Variants in USP40 observed in about 807,000 individuals in gnomAD.
The protein encoded by USP40 is ubiquitin carboxyl-terminal hydrolase 40.
A neutral mutation model predicts 166.2 loss-of-function variants in USP40; 143 were observed. The ratio of observed to expected loss-of-function variants is 0.86; its 90% CI spans 0.75 to 0.99. The LOEUF is 0.99. USP40 is among the 50% of genes least tolerant of loss of function. The probability of loss-of-function intolerance (pLI) is 0.00; values close to 1 mark genes in which losing one functional copy is unlikely to be tolerated. For synonymous variants in USP40, 498 were observed against 524.0 expected, an observed-to-expected ratio of 0.95 and a Z score of 0.68; for missense variants, 1,444 against 1,479.7, an observed-to-expected ratio of 0.98 and a Z score of 0.40.
chr2:233,555,308 T>C (rs2070966936), intron 5 of USP40, among the ~76,000 whole-genome samples: 1 of 152,306 alleles, frequency 6.6e-6, no homozygotes, highest in Middle Eastern at 3.4e-3. Flanking sequence ...AATCACAATA[T>C]TTCTAGTAAT....
At chr2:233,499,982 CT>C in intron 21 of USP40, 67 bp from the exon 22 acceptor site, 2 of 1,386,810 alleles carry the variant, frequency 1.4e-6, no homozygotes, top group South Asian at 1.2e-5. Context: ...GACAAACACC[CT>C]TTTTGGACCC....
chr2:233,501,759 T>C (rs537624664), intron 21 of USP40, among the ~76,000 whole-genome samples: 62 of 152,300 alleles, frequency 4.1e-4, no homozygotes, highest in Non-Finnish European at 8.4e-4. Flanking sequence ...GAGAAAAATA[T>C]GAGCGGGTTA....
chr2:233,548,544 T>C (rs1351846932), intron 8 of USP40, among the ~76,000 whole-genome samples: 1 of 152,142 alleles, frequency 6.6e-6, no homozygotes, highest in African/African-American at 2.4e-5. Context: ...GAGAGTTAGC[T>C]AACTAAATAC....
At chr2:233,494,930 A>T (rs1408232595) in intron 24 of USP40, among the ~76,000 whole-genome samples, 26 of 37,618 alleles carry the variant, frequency 6.9e-4, no homozygotes, top group African/African-American at 4.2e-3. Flanking sequence ...ATATATATAT[A>T]TATATATATA....
Position 233,488,222 on chromosome 2 carries a change from A to G in USP40, c.3197+17T>C, listed in dbSNP as rs2065072285. 1 of 1,595,134 alleles carries G rather than the reference A, an allele frequency of 6.3e-7. No individual in the cohort carries two copies. Among genetic ancestry groups the G allele is most frequent in the African/African-American group, 1.3e-5 (1 of 74,832 alleles). On this transcript the variant is annotated intron_variant, in intron 28 of 31. Coordinates refer to ENST00000678225, the MANE Select transcript of USP40 (RefSeq NM_001365479.2). The stretch of plus-strand genomic sequence containing the variant: ...GATACGTGTGTGTCACTTCAGATGC[A>G]CAGGAGAATTTCTTACCCCAAGTTT...
At chr2:233,534,454 C>T (rs923783666) in intron 10 of USP40, among the ~76,000 whole-genome samples, 5 of 152,126 alleles carry the variant, frequency 3.3e-5, no homozygotes, top group African/African-American at 1.2e-4. Flanking sequence ...TTTCTCTCAG[C>T]CTAATTTACT....
chr2:233,484,095 T>C (rs1468257800), intron 30 of USP40, among the ~76,000 whole-genome samples: 1 of 152,128 alleles, frequency 6.6e-6, no homozygotes, highest in Non-Finnish European at 1.5e-5. Flanking sequence ...CTTTTTCTTC[T>C]CGCAGTGAGC....
rs1181305481 is a variant in USP40 at position 233,566,701 on chromosome 2, C to G, written c.-37G>C. On this transcript the variant is annotated 5_prime_UTR_variant, in exon 1 of 32. Coordinates refer to ENST00000678225, the MANE Select transcript of USP40 (RefSeq NM_001365479.2). ...GCACTTACTGCCTAAAGCCCAGACC[C>G]CCGCCCTGGCCAAAACGCGAAGCGA... The G allele has an allele frequency of 1.0e-6, 1 of 985,950 alleles. No individual in the cohort carries two copies. The highest frequency in any genetic ancestry group is 1.2e-6 in the Non-Finnish European group (1 of 830,078). 61.1% of individuals were successfully genotyped at this position (985,950 alleles called of 1,614,324 possible). A position where few individuals can be genotyped will look rare whatever the true frequency, so the allele number is the denominator to read the frequency against.
At chr2:233,561,248 C>T (rs531888426) in intron 3 of USP40, 9 of 1,517,962 alleles carry the variant, frequency 5.9e-6, no homozygotes, top group East Asian at 5.0e-5. Context: ...AAAAAAGAGC[C>T]CGCATCGCCA....
intron 5 of USP40, among the ~76,000 whole-genome samples, chr2:233,556,265 A>G (rs2071085842): frequency 6.7e-6 from 1 of 148,638 alleles, no homozygotes; most frequent in Non-Finnish European, 1.5e-5. Context: ...AAACAGGATT[A>G]CATTTACATG....
chr2:233,479,364 ACCATCCTGG>A (rs1024267063), intron 31 of USP40, among the ~76,000 whole-genome samples: 9 of 152,274 alleles, frequency 5.9e-5, no homozygotes, highest in African/African-American at 1.9e-4. Context: ...AGAGATTGAG[ACCATCCTGG>A]CCAACATGGT....
chr2:233,539,456 A>G (rs1205134817), intron 10 of USP40, among the ~76,000 whole-genome samples: 1 of 152,168 alleles, frequency 6.6e-6, no homozygotes, highest in African/African-American at 2.4e-5. Flanking sequence ...ATTTACTGAC[A>G]TAACAAAAAG....
At chr2:233,525,420 A>G (rs1393555469) in intron 14 of USP40, 58 bp downstream of exon 14, 12 of 1,338,396 alleles carry the variant, frequency 9.0e-6, no homozygotes, top group Non-Finnish European at 1.2e-5. Flanking sequence ...ATCGCAGGTG[A>G]GCCGGACAAA....
At chr2:233,555,051 G>C (rs531564363) in intron 5 of USP40, among the ~76,000 whole-genome samples, 1 of 152,168 alleles carries the variant, frequency 6.6e-6, no homozygotes, top group South Asian at 2.1e-4. Context: ...AAATTAGCTG[G>C]GTGTGGTGGT....
At chr2:233,520,883 G>T in intron 17 of USP40, 108 bp downstream of exon 17, 1 of 1,227,846 alleles carries the variant, frequency 8.1e-7, no homozygotes, top group Non-Finnish European at 1.1e-6. Context: ...CTTCCTAAGA[G>T]CTGAAGTCTA....
chr2:233,509,384 G>A (rs1470360264), intron 21 of USP40, among the ~76,000 whole-genome samples: 1 of 151,940 alleles, frequency 6.6e-6, no homozygotes, highest in African/African-American at 2.4e-5. Flanking sequence ...CACTGTGTGT[G>A]TATATAAATA....
chr2:233,493,475 G>C lies in USP40; in HGVS notation c.2867C>G (p.Thr956Ser). ...TCTGCCCCAAGACGAAGTACAGTTG[G>C]TCTGGTCCTGATGACTCTCCCAGTG... Reference protein sequence around the residue: ...SGHWESHQDQTNCTSSWGRVW... With the variant: ...SGHWESHQDQSNCTSSWGRVW... The change falls in exon 25 of 32, where the codon ACC (threonine) becomes AGC (serine). Residue 956 changes from threonine to serine, a missense_variant. Transcript: ENST00000678225. The surrounding 1 kb of genome is among the most constrained non-coding windows in gnomAD (Gnocchi z 4.7). 1.2e-6 allele frequency: 2 copies of C among 1,613,972 alleles called. No individual in the cohort carries two copies. The highest frequency in any genetic ancestry group is 8.5e-7 in the Non-Finnish European group (1 of 1,179,880).
chr2:233,524,629 CTGAGACAAATA>C (rs1236756796), intron 14 of USP40, 67 bp from the exon 15 acceptor site: 1 of 1,263,798 alleles, frequency 7.9e-7, no homozygotes, highest in African/African-American at 1.6e-5. Flanking sequence ...AAAGAAAGAG[CTGAGACAAATA>C]TTTGTTTGAA....
chr2:233,544,396 A>G (rs376150492), intron 8 of USP40, among the ~76,000 whole-genome samples: 1 of 152,180 alleles, frequency 6.6e-6, no homozygotes, highest in South Asian at 2.1e-4. Flanking sequence ...GTTTCATTAC[A>G]GAGGCATGAC....
Sources: gnomAD v4.1 joint callset for allele counts (sites outside exome capture counted in the v4.1 genomes callset) on GRCh38, gnomAD v4.1.1 for gene constraint, Gnocchi (gnomAD v3.1) non-coding constraint, MANE v1.5 for transcripts, NCBI Gene and HGNC (gene_info 2026-07-23, HGNC 2026-07-21) for gene names.